Variants in CHRM3 observed in about 807,000 individuals in gnomAD.
CHRM3 encodes the protein muscarinic acetylcholine receptor M3.
CHRM3 carries 11 observed loss-of-function variants against 41.8 expected under a neutral mutation model. The ratio of observed to expected loss-of-function variants is 0.26; its 90% CI spans 0.17 to 0.44. CHRM3 has a LOEUF of 0.44. CHRM3 is among the 20% of genes least tolerant of loss of function. The probability of loss-of-function intolerance (pLI) is 1.00; values close to 1 mark genes in which losing one functional copy is unlikely to be tolerated. For synonymous variants in CHRM3, 297 were observed against 301.4 expected (o/e 0.99, Z 0.15); for missense variants, 571 against 745.4 (o/e 0.77, Z 2.72).
At chr1:239,447,847 T>G (rs1664266374) in intron 1 of CHRM3, among the ~76,000 whole-genome samples, 2 of 152,180 alleles carry the variant, frequency 1.3e-5, no homozygotes, top group Non-Finnish European at 2.9e-5. Flanking sequence ...GAAGTTGACA[T>G]TATAAATTAG....
chr1:239,864,559 C>G (rs968073112), intron 6 of CHRM3, among the ~76,000 whole-genome samples: 19 of 141,636 alleles, frequency 1.3e-4, no homozygotes, highest in Non-Finnish European at 2.8e-4. Context: ...CACACACACA[C>G]ATATACATAT....
intron 5 of CHRM3, among the ~76,000 whole-genome samples, chr1:239,708,209 CA>C (rs1343308186): frequency 1.3e-5 from 2 of 152,194 alleles, no homozygotes; most frequent in Non-Finnish European, 2.9e-5. Context: ...TGGTTCAGGC[CA>C]AAACCTTGGA....
At chr1:239,563,380 T>C (rs1357271995) in intron 3 of CHRM3, among the ~76,000 whole-genome samples, 1 of 152,160 alleles carries the variant, frequency 6.6e-6, no homozygotes, top group Non-Finnish European at 1.5e-5. Flanking sequence ...GCTAATGTAA[T>C]AGTGATTTAT....
chr1:239,579,621 T>C (rs1438016826), intron 3 of CHRM3, among the ~76,000 whole-genome samples: 1 of 152,122 alleles, frequency 6.6e-6, no homozygotes, highest in Non-Finnish European at 1.5e-5. Context: ...ACCTTAGCCA[T>C]TTTCACATGT....
intron 5 of CHRM3, among the ~76,000 whole-genome samples, chr1:239,726,467 C>T (rs544711722): frequency 1.6e-3 from 240 of 151,882 alleles, no homozygotes; most frequent in Non-Finnish European, 3.2e-3. Context: ...TTTGAAAAAA[C>T]CTGATGTTCA....
At chr1:239,843,915 A>G (rs1454815968) in intron 6 of CHRM3, among the ~76,000 whole-genome samples, 9 of 152,028 alleles carry the variant, frequency 5.9e-5, no homozygotes, top group Admixed American at 5.9e-4. Flanking sequence ...ACTCTATATA[A>G]TTAGATACAT....
chr1:239,588,716 G>A lies in CHRM3; in HGVS notation c.-313+42967G>A, dbSNP rs1045754983. 2.6e-5 allele frequency among the ~76,000 whole-genome samples: 4 copies of A among 152,290 alleles called. No homozygotes were observed. The South Asian group carries it at 6.2e-4, about 24-fold the overall frequency. ...ACCAGATGCACAAGGTCTGGAAAATGCTGCTAATAACAGGTACAACTTGTG... is the reference window on the plus strand; with the variant it reads ...ACCAGATGCACAAGGTCTGGAAAATACTGCTAATAACAGGTACAACTTGTG... On this transcript the variant is annotated intron_variant, in intron 3 of 6. Coordinates refer to ENST00000676153, the MANE Select transcript of CHRM3 (RefSeq NM_001375978.1).
At chr1:239,404,972 A>T (rs995004388) in intron 1 of CHRM3, among the ~76,000 whole-genome samples, 1 of 151,850 alleles carries the variant, frequency 6.6e-6, no homozygotes, top group African/African-American at 2.4e-5. Flanking sequence ...AAACAGCAGG[A>T]TGTCAAAAAA....
chr1:239,750,757 T>C (rs1665741162), intron 5 of CHRM3, among the ~76,000 whole-genome samples: 1 of 152,214 alleles, frequency 6.6e-6, no homozygotes, highest in African/African-American at 2.4e-5. Flanking sequence ...CCTTTTTCTG[T>C]CCATAAATTC....
chr1:239,844,908 G>A (rs776683952), intron 6 of CHRM3, among the ~76,000 whole-genome samples: 10 of 152,104 alleles, frequency 6.6e-5, no homozygotes, highest in Non-Finnish European at 7.4e-5. Flanking sequence ...AGGAGAAGAC[G>A]GCCAGAACTT....
intron 1 of CHRM3, among the ~76,000 whole-genome samples, chr1:239,472,536 A>G (rs1415945581): frequency 6.6e-6 from 1 of 152,214 alleles, no homozygotes; most frequent in Non-Finnish European, 1.5e-5. Context: ...TTTTTTAAAG[A>G]GCAGGTAACA....
At chr1:239,579,701 T>G (rs1662689543) in intron 3 of CHRM3, among the ~76,000 whole-genome samples, 1 of 152,210 alleles carries the variant, frequency 6.6e-6, no homozygotes, top group South Asian at 2.1e-4. Context: ...GTATTTTGTA[T>G]TTTGGACTTT....
At chr1:239,866,239 T>C (rs1030106286) in intron 6 of CHRM3, among the ~76,000 whole-genome samples, 3 of 151,902 alleles carry the variant, frequency 2.0e-5, no homozygotes, top group Non-Finnish European at 2.9e-5. Context: ...TAGCCGGGCG[T>C]GGTGGCGGGC....
chr1:239,672,265 C>T, intron 4 of CHRM3, among the ~76,000 whole-genome samples: 1 of 152,116 alleles, frequency 6.6e-6, no homozygotes, highest in Non-Finnish European at 1.5e-5. Context: ...CTGGGGGCTG[C>T]AGCACTCTAG....
intron 3 of CHRM3, among the ~76,000 whole-genome samples, chr1:239,588,006 C>T (rs1471311494): frequency 1.3e-5 from 2 of 152,138 alleles, no homozygotes; most frequent in African/African-American, 4.8e-5. Context: ...TTTAAACATT[C>T]GATCAGACCA....
chr1:239,661,940 C>T (rs772714563), intron 4 of CHRM3, among the ~76,000 whole-genome samples: 1 of 152,016 alleles, frequency 6.6e-6, no homozygotes, highest in Non-Finnish European at 1.5e-5. Flanking sequence ...TAGGAACTCT[C>T]TGTAGTTTCT....
At chr1:239,864,987 C>G (rs1558190387) in intron 6 of CHRM3, among the ~76,000 whole-genome samples, 1 of 152,128 alleles carries the variant, frequency 6.6e-6, no homozygotes, top group African/African-American at 2.4e-5. Flanking sequence ...TGCACACACC[C>G]TCCCTCCATC....
At chr1:239,671,072 T>C (rs1231576832) in intron 4 of CHRM3, among the ~76,000 whole-genome samples, 1 of 152,220 alleles carries the variant, frequency 6.6e-6, no homozygotes, top group Admixed American at 6.5e-5. Flanking sequence ...AGATGTATTA[T>C]GTTGTTCTAA....
At chr1:239,399,052 A>G (rs1156235693) in intron 1 of CHRM3, among the ~76,000 whole-genome samples, 1 of 152,234 alleles carries the variant, frequency 6.6e-6, no homozygotes, top group Non-Finnish European at 1.5e-5. Context: ...TGAAGACCCC[A>G]GGAACCACCA....
Sources: allele counts gnomAD v4.1 joint callset (sites outside exome capture counted in the v4.1 genomes callset), GRCh38; gene constraint gnomAD v4.1.1; transcripts MANE v1.5; gene names NCBI Gene and HGNC (gene_info 2026-07-23, HGNC 2026-07-21).